TOM1L2: variants seen among roughly 807,000 people sequenced by gnomAD.
TOM1L2 encodes TOM1-like protein 2.
A neutral mutation model predicts 67.9 loss-of-function variants in TOM1L2; 31 were observed. The observed-to-expected ratio is 0.46, with a 90% CI of 0.34 to 0.62. TOM1L2 has a LOEUF of 0.62. TOM1L2 is among the 20% of genes least tolerant of loss of function. The pLI, the probability that TOM1L2 is intolerant of heterozygous loss-of-function variation, is 0.01. For synonymous variants in TOM1L2, 256 were observed against 254.0 expected (o/e 1.01, Z -0.07); for missense variants, 606 against 663.5 (o/e 0.91, Z 0.95).
In TOM1L2 at chr17:17,919,863, C is replaced by T. The variant is rs569205334; in HGVS notation, c.53-12332G>A. Among the ~76,000 whole-genome samples the T allele has an allele frequency of 2.5e-4, 38 of 152,288 alleles. No homozygotes were observed. The East Asian group carries it at 4.4e-3, about 18-fold the overall frequency. On this transcript the variant is annotated intron_variant, in intron 1 of 14. Transcript: ENST00000379504. ...CTCATTTAACCCTACCATCCCACGCCCCAGCCGCCAGGAAGGTTCTCTCTC... is the reference window on the plus strand; with the variant it reads ...CTCATTTAACCCTACCATCCCACGCTCCAGCCGCCAGGAAGGTTCTCTCTC...
intron 2 of TOM1L2, among the ~76,000 whole-genome samples, chr17:17,904,642 C>G (rs1227031589): frequency 2.0e-5 from 3 of 152,058 alleles, no homozygotes; most frequent in African/African-American, 7.2e-5. Context: ...GGGAAGGGGT[C>G]GAAGCAGAGG....
chr17:17,855,475 G>C (rs1416667192), intron 12 of TOM1L2, among the ~76,000 whole-genome samples: 1 of 152,240 alleles, frequency 6.6e-6, no homozygotes, highest in African/African-American at 2.4e-5. Flanking sequence ...CCAGCCAAGA[G>C]AGGCAAAAAG....
At position 17,956,969 on chromosome 17, in the gene TOM1L2, C is replaced by A. The variant is rs748520130; in HGVS notation, c.52+15293G>T. 9.9e-5 allele frequency among the ~76,000 whole-genome samples: 15 copies of A among 152,210 alleles called. 1 individual carries two copies. Among genetic ancestry groups the A allele is most frequent in the Admixed American group, 7.8e-4 (12 of 15,290 alleles). On this transcript the variant is annotated intron_variant, in intron 1 of 14. Coordinates refer to ENST00000379504, the MANE Select transcript of TOM1L2 (RefSeq NM_001082968.2). ...CCTCAAGCACAGCCAGAGAAGGCAT[C>A]GGGGCTGAGGAGGCGCCTGAGAGCG...
At chr17:17,916,169 G>C (rs2039622109) in intron 1 of TOM1L2, among the ~76,000 whole-genome samples, 2 of 151,594 alleles carry the variant, frequency 1.3e-5, no homozygotes, top group South Asian at 4.2e-4. Context: ...TACCTCCTGG[G>C]TTCACGCCCT....
chr17:17,851,655 T>C (rs2143523119), intron 12 of TOM1L2, among the ~76,000 whole-genome samples: 1 of 152,272 alleles, frequency 6.6e-6, no homozygotes, highest in Middle Eastern at 3.4e-3. Context: ...TTAGTCTTCT[T>C]TGTGTCTCTT....
chr17:17,914,360 T>C (rs768989569), intron 1 of TOM1L2, among the ~76,000 whole-genome samples: 26 of 152,286 alleles, frequency 1.7e-4, no homozygotes, highest in Non-Finnish European at 3.4e-4. Flanking sequence ...TTTTCTTCTC[T>C]AAACAGATGT....
At position 17,882,755 on chromosome 17, in the gene TOM1L2, G is replaced by T; in HGVS notation, c.610C>A (p.Gln204Lys). ...CCAGTCACACTCAGAGCTGGGGCCT[G>T]CGGTGCGGAGTAGGGAGCAGGAGGC... Reference protein sequence around the residue: ...SPPPAPYSAPQAPALSVTGPI... With the variant: ...SPPPAPYSAPKAPALSVTGPI... The change falls in exon 6 of 15, where the codon CAG (glutamine) becomes AAG (lysine). Residue 204 changes from glutamine (Q) to lysine (K), a missense_variant. Around this residue, in one of 2 missense-constraint regions of TOM1L2, gnomAD observed 543 missense variants for 554.0 expected, o/e 0.98. Transcript: ENST00000379504. 1 of 1,614,214 alleles carries T rather than the reference G, an allele frequency of 6.2e-7. No individual in the cohort carries two copies. Among genetic ancestry groups the T allele is most frequent in the Non-Finnish European group, 8.5e-7 (1 of 1,180,036 alleles).
chr17:17,970,443 A>G (rs2042025036), intron 1 of TOM1L2, among the ~76,000 whole-genome samples: 1 of 151,524 alleles, frequency 6.6e-6, no homozygotes, highest in African/African-American at 2.4e-5. Context: ...GCTTCCTATT[A>G]TAAAGGGGAC....
chr17:17,881,917 T>C (rs1261647028), intron 6 of TOM1L2, among the ~76,000 whole-genome samples: 3 of 152,228 alleles, frequency 2.0e-5, no homozygotes, highest in Non-Finnish European at 2.9e-5. Context: ...CATGACATTG[T>C]CGCAAATAGT....
intron 4 of TOM1L2, among the ~76,000 whole-genome samples, chr17:17,887,649 T>A (rs933653331): frequency 1.1e-4 from 16 of 152,300 alleles, no homozygotes; most frequent in African/African-American, 3.6e-4. Flanking sequence ...CTAATTTTTG[T>A]ATTTTTTGTA....
chr17:17,893,803 T>C lies in TOM1L2; in HGVS notation c.224A>G (p.Glu75Gly). 1 of 1,613,914 alleles carries C rather than the reference T, an allele frequency of 6.2e-7. No homozygotes were observed. Among genetic ancestry groups the C allele is most frequent in the Non-Finnish European group, 8.5e-7 (1 of 1,179,892 alleles). The change falls in exon 4 of 15, where the codon GAG becomes GGG. Residue 75 changes from glutamate to glycine, a missense_variant. By Grantham distance (98) the Glu-to-Gly change is moderately conservative. Transcript: ENST00000379504. The part of the protein sequence containing the change: ...REVMLALTVL[E>G]TCVKNCGHRF... ...GTGGCCACAGTTCTTCACACATGTCTCCAGCACCTGATGTGGGGAGGGAAG... is the reference window on the plus strand; with the variant it reads ...GTGGCCACAGTTCTTCACACATGTCCCCAGCACCTGATGTGGGGAGGGAAG...
chr17:17,890,841 A>G (rs2038236516), intron 4 of TOM1L2, among the ~76,000 whole-genome samples: 1 of 152,190 alleles, frequency 6.6e-6, no homozygotes, highest in Admixed American at 6.5e-5. Flanking sequence ...TCCTGTATAT[A>G]TATTATAATT....
rs768356880 is a variant in TOM1L2 at position 17,972,337 on chromosome 17, C to A, written c.-24G>T. ...ATCTTGGGTGGACAACACGCAGCGG[C>A]CCGGGCCCCCTGTCTGCCACCTAGG... On this transcript the variant is annotated 5_prime_UTR_variant, in exon 1 of 15. Coordinates refer to ENST00000379504, the MANE Select transcript of TOM1L2 (RefSeq NM_001082968.2). 1 of 1,549,392 alleles carries A rather than the reference C, an allele frequency of 6.5e-7. No homozygotes were observed. The highest frequency in any genetic ancestry group is 8.7e-7 in the Non-Finnish European group (1 of 1,147,094).
Position 17,847,596 on chromosome 17 carries a change from C to A in TOM1L2, c.*39G>T. 3 of 1,571,276 alleles carry A rather than the reference C, an allele frequency of 1.9e-6. No homozygotes were observed. Among genetic ancestry groups the A allele is most frequent in the Non-Finnish European group, 2.6e-6 (3 of 1,160,010 alleles). ...GTGCCCGGTGTCCACGGGGTGCGAG[C>A]GGGGACCCGCCATCTGGGGAGGCAA... On this transcript the variant is annotated 3_prime_UTR_variant, in exon 15 of 15. Transcript: ENST00000379504.
intron 4 of TOM1L2, among the ~76,000 whole-genome samples, chr17:17,892,861 G>A (rs1398672469): frequency 6.6e-6 from 1 of 152,114 alleles, no homozygotes; most frequent in Non-Finnish European, 1.5e-5. Context: ...ATAAACTCAG[G>A]TCTCTTGCCA....
chr17:17,950,965 C>A (rs1444700343), intron 1 of TOM1L2, among the ~76,000 whole-genome samples: 2 of 152,122 alleles, frequency 1.3e-5, no homozygotes, highest in African/African-American at 4.8e-5. Context: ...GAGGACCTAC[C>A]AGGAAGGGGG....
chr17:17,924,375 C>CT (rs1416929070), intron 1 of TOM1L2, among the ~76,000 whole-genome samples: 1 of 152,070 alleles, frequency 6.6e-6, no homozygotes, highest in Non-Finnish European at 1.5e-5. Flanking sequence ...AAAAAAAACT[C>CT]TGTGACTATA....
Position 17,847,756 on chromosome 17 carries a change from GCT to G in TOM1L2, c.1401_1402del (p.Arg467SerfsTer5). 2 of 1,614,060 alleles carry G rather than the reference GCT, an allele frequency of 1.2e-6. No individual in the cohort carries two copies. The highest frequency in any genetic ancestry group is 1.6e-4 in the Middle Eastern group (1 of 6,062). On this transcript the variant is annotated frameshift_variant, in exon 15 of 15. Transcript: ENST00000379504. LOFTEE classifies it high-confidence loss of function. ...GTCGGGAACCATTTCAGCAGCTTTG[GCT>G]CTTTCTTCAAGGAATTTATCAAACT...
chr17:17,856,497 T>C (rs2036259064), intron 12 of TOM1L2, among the ~76,000 whole-genome samples: 1 of 152,372 alleles, frequency 6.6e-6, no homozygotes, highest in African/African-American at 2.4e-5. Flanking sequence ...TGATCCTGCA[T>C]GGCCCAAGTT....
Sources: allele counts gnomAD v4.1 joint callset (sites outside exome capture counted in the v4.1 genomes callset), GRCh38; gene constraint gnomAD v4.1.1; regional missense constraint gnomAD v4.1.1; transcripts MANE v1.5; gene names NCBI Gene and HGNC (gene_info 2026-07-23, HGNC 2026-07-21).